The following NAV3 variants were observed in gnomAD, a reference collection of about 807,000 sequenced individuals.
The protein encoded by NAV3 is pore membrane and/or filament interacting like protein 1.
In NAV3, 87 loss-of-function variants were observed where a neutral mutation model predicts 244.7. The observed-to-expected ratio is 0.36, with a 90% CI of 0.30 to 0.42. The LOEUF is 0.42. NAV3 is among the 20% of genes least tolerant of loss of function. The probability of loss-of-function intolerance (pLI) is 1.00; values close to 1 mark genes in which losing one functional copy is unlikely to be tolerated. For synonymous variants in NAV3, 1,126 were observed against 1,042.2 expected (o/e 1.08, Z -1.55); for missense variants, 2,663 against 2,893.3 (o/e 0.92, Z 1.83).
chr12:77,870,746 C>G (rs1253482380), intron 1 of NAV3, among the ~76,000 whole-genome samples: 2 of 152,080 alleles, frequency 1.3e-5, no homozygotes, highest in East Asian at 3.9e-4. Flanking sequence ...CTAGAAGAAT[C>G]TAATCCATGA....
chr12:77,705,508 C>T (rs1875755353), intron 2 of NAV3, among the ~76,000 whole-genome samples: 1 of 151,476 alleles, frequency 6.6e-6, no homozygotes, highest in African/African-American at 2.4e-5. Context: ...GGCTTTCGAC[C>T]TTGTCCCCAA....
intron 2 of NAV3, among the ~76,000 whole-genome samples, chr12:77,631,346 C>A (rs998877430): frequency 4.0e-5 from 6 of 149,356 alleles, no homozygotes; most frequent in African/African-American, 1.5e-4. Context: ...GGGAACAAAT[C>A]CATCATGGAA....
chr12:77,802,384 T>C (rs1871754238), intron 2 of NAV3, among the ~76,000 whole-genome samples: 1 of 152,226 alleles, frequency 6.6e-6, no homozygotes, highest in African/African-American at 2.4e-5. Flanking sequence ...TGAAGTTATT[T>C]GAGAATTTAG....
intron 8 of NAV3, among the ~76,000 whole-genome samples, chr12:78,014,716 C>T (rs1178665619): frequency 2.0e-5 from 3 of 151,966 alleles, no homozygotes; most frequent in African/African-American, 4.8e-5. Flanking sequence ...GCTTATTTGT[C>T]GAGCTAGTAT....
chr12:77,940,256 A>G (rs2137464893), intron 1 of NAV3, 63 bp from the exon 2 acceptor site: 5 of 1,196,740 alleles, frequency 4.2e-6, no homozygotes, highest in Non-Finnish European at 6.1e-6. Context: ...ATTTGTCTTC[A>G]GCATTTTATT....
intron 2 of NAV3, among the ~76,000 whole-genome samples, chr12:77,645,533 CTCT>C (rs1238919812): frequency 1.2e-4 from 11 of 93,048 alleles, no homozygotes; most frequent in African/African-American, 5.3e-4. Flanking sequence ...AGCTCTCTCT[CTCT>C]AAAAAAAAAA....
intron 1 of NAV3, among the ~76,000 whole-genome samples, chr12:77,877,498 A>C (rs764954011): frequency 1.3e-5 from 2 of 152,184 alleles, no homozygotes; most frequent in Non-Finnish European, 2.9e-5. Context: ...TTGACTGGAT[A>C]TAAAAAAGTA....
chr12:78,154,212 T>A (rs1957188747), intron 22 of NAV3, among the ~76,000 whole-genome samples: 2 of 116,216 alleles, frequency 1.7e-5, no homozygotes, highest in Admixed American at 2.0e-4. Context: ...ACTCTAGGTA[T>A]ACATATATGC....
At chr12:77,658,464 G>T (rs9668078) in intron 2 of NAV3, among the ~76,000 whole-genome samples, 1 of 139,764 alleles carries the variant, frequency 7.2e-6, no homozygotes, top group Non-Finnish European at 1.6e-5. Flanking sequence ...AAAGAGGATA[G>T]AAACAAATGG....
intron 12 of NAV3, chr12:78,088,895 C>T (rs2137969067): frequency 6.6e-6 from 1 of 152,228 alleles, no homozygotes; most frequent in Admixed American, 6.5e-5. Context: ...TAAACATTTA[C>T]TGAAACCCCA....
chr12:77,972,945 A>G (rs1221553977), intron 5 of NAV3, among the ~76,000 whole-genome samples: 1 of 152,252 alleles, frequency 6.6e-6, no homozygotes, highest in South Asian at 2.1e-4. Flanking sequence ...CACTCAGTAA[A>G]TGAATGCATG....
At chr12:78,046,018 A>T (rs367682731) in intron 9 of NAV3, among the ~76,000 whole-genome samples, 35 of 152,114 alleles carry the variant, frequency 2.3e-4, no homozygotes, top group Admixed American at 2.2e-3. Context: ...GTTTATTTGC[A>T]TAGTAGTGTT....
intron 1 of NAV3, among the ~76,000 whole-genome samples, chr12:77,913,701 C>A (rs1886846534): frequency 6.6e-6 from 1 of 152,080 alleles, no homozygotes; most frequent in African/African-American, 2.4e-5. Context: ...GGTTGAGAGG[C>A]TGGAAGCAAA....
At chr12:78,140,430 G>A in intron 20 of NAV3, 96 bp downstream of exon 20, 1 of 1,087,188 alleles carries the variant, frequency 9.2e-7, no homozygotes, top group Non-Finnish European at 1.4e-6. Context: ...ATTCATCTAT[G>A]ACTTGCACAG....
At chr12:77,871,176 A>G (rs996760558) in intron 1 of NAV3, among the ~76,000 whole-genome samples, 1 of 152,226 alleles carries the variant, frequency 6.6e-6, no homozygotes, top group Non-Finnish European at 1.5e-5. Flanking sequence ...CATGAAATAC[A>G]TTCCAATAGA....
intron 2 of NAV3, among the ~76,000 whole-genome samples, chr12:77,794,893 C>T (rs1035076678): frequency 2.6e-5 from 4 of 152,294 alleles, no homozygotes; most frequent in East Asian, 3.9e-4. Flanking sequence ...CTCCACCAAT[C>T]GGCCATTTCC....
At chr12:77,625,573 C>T (rs185335281) in intron 2 of NAV3, among the ~76,000 whole-genome samples, 2 of 152,148 alleles carry the variant, frequency 1.3e-5, no homozygotes, top group Non-Finnish European at 2.9e-5. Context: ...CTGCCATTAC[C>T]ACTAATGCCC....
chr12:78,067,674 A>G (rs1252260897), intron 12 of NAV3, among the ~76,000 whole-genome samples: 3 of 152,078 alleles, frequency 2.0e-5, no homozygotes, highest in African/African-American at 7.2e-5. Flanking sequence ...GAGCATTAGA[A>G]TAGGGATTGT....
At chr12:77,708,517 C>T (rs979697499) in intron 2 of NAV3, among the ~76,000 whole-genome samples, 5 of 152,110 alleles carry the variant, frequency 3.3e-5, no homozygotes, top group African/African-American at 1.2e-4. Context: ...GTTCTTTTGG[C>T]TTAGGATTGT....
Sources: gnomAD v4.1 joint callset for allele counts (sites outside exome capture counted in the v4.1 genomes callset) on GRCh38, gnomAD v4.1.1 for gene constraint, MANE v1.5 for transcripts, NCBI Gene and HGNC (gene_info 2026-07-23, HGNC 2026-07-21) for gene names.